PCCA: variants seen among roughly 807,000 people sequenced by gnomAD.
The protein encoded by PCCA is propionyl-CoA carboxylase subunit alpha.
In PCCA, 74 loss-of-function variants were observed where a neutral mutation model predicts 101.3. The ratio of observed to expected loss-of-function variants is 0.73; its 90% CI spans 0.61 to 0.89. The LOEUF is 0.89. Ranked by LOEUF, PCCA falls within the 40% of genes least tolerant of loss-of-function variation. The pLI is 0.00. For synonymous variants in PCCA, 294 were observed against 313.6 expected, an observed-to-expected ratio of 0.94 and a Z score of 0.66; for missense variants, 891 against 907.0, an observed-to-expected ratio of 0.98 and a Z score of 0.23.
chr13:100,186,739 A>AAAAAAAAAAAC (rs1045311521), intron 6 of PCCA, among the ~76,000 whole-genome samples: 4 of 126,802 alleles, frequency 3.2e-5, no homozygotes, highest in Admixed American at 8.1e-5. Context: ...ATTCCATCTC[A>AAAAAAAAAAAC]AAAAAAAAAC....
intron 18 of PCCA, among the ~76,000 whole-genome samples, chr13:100,361,611 G>A (rs1010538529): frequency 6.6e-6 from 1 of 151,970 alleles, no homozygotes. Context: ...TAATAAAAAT[G>A]GGCAAAAACT....
chr13:100,471,432 G>C (rs1015217033), intron 21 of PCCA, among the ~76,000 whole-genome samples: 1 of 152,188 alleles, frequency 6.6e-6, no homozygotes, highest in Non-Finnish European at 1.5e-5. Flanking sequence ...TGTGAAGTAA[G>C]CACATGCTGT....
At chr13:100,228,778 T>C (rs1466811345) in intron 7 of PCCA, among the ~76,000 whole-genome samples, 1 of 151,420 alleles carries the variant, frequency 6.6e-6, no homozygotes, top group Non-Finnish European at 1.5e-5. Flanking sequence ...TGTGTGCCTA[T>C]AATCCCAGCT....
chr13:100,407,937 G>A (rs1006422584), intron 19 of PCCA, among the ~76,000 whole-genome samples: 10 of 152,038 alleles, frequency 6.6e-5, no homozygotes, highest in African/African-American at 2.4e-4. Flanking sequence ...GATTACCTGA[G>A]GTCAGGAGGT....
At chr13:100,515,322 C>T (rs769160069) in intron 21 of PCCA, 105 bp from the exon 22 acceptor site, 218 of 971,178 alleles carry the variant, frequency 2.2e-4, no homozygotes, top group Non-Finnish European at 3.4e-4. Flanking sequence ...AAGGCTCTTA[C>T]TGTAATTTGA....
chr13:100,260,986 ATAG>A (rs556189823), intron 9 of PCCA, among the ~76,000 whole-genome samples: 114 of 152,162 alleles, frequency 7.5e-4, no homozygotes, highest in Middle Eastern at 3.4e-3. Flanking sequence ...AGCAAATCAG[ATAG>A]TTGTTTTTTA....
In PCCA at chr13:100,310,914, A is replaced by G. The variant is rs572965725; in HGVS notation, c.1429+1006A>G. Among the ~76,000 whole-genome samples the G allele has an allele frequency of 1.6e-4, 24 of 152,300 alleles. No homozygotes were observed. The Middle Eastern group carries it at 0.01, about 65-fold the overall frequency. ...AGAAACCAGACAAAGCTAGGTTCAT[A>G]GCCCCTGTCCTGACGCCATTTAATA... is the stretch of plus-strand genomic sequence containing the variant. On this transcript the variant is annotated intron_variant, in intron 16 of 23. Transcript: ENST00000376285.
intron 11 of PCCA, among the ~76,000 whole-genome samples, chr13:100,269,103 C>G (rs978377850): frequency 2.0e-5 from 3 of 152,218 alleles, no homozygotes; most frequent in African/African-American, 7.2e-5. Flanking sequence ...CCACCTCAGC[C>G]TCCCGAAGTG....
rs1422137805 is a variant in PCCA, at chr13:100,308,156, T to A, written c.1353+896T>A. On this transcript the variant is annotated intron_variant, in intron 15 of 23. Coordinates refer to ENST00000376285, the MANE Select transcript of PCCA (RefSeq NM_000282.4). The stretch of plus-strand genomic sequence containing the variant: ...GCGTGAGCCACAATGGCCGGCCAGA[T>A]TGTGGATTTTATTTTGAAAATTCTG... Among the ~76,000 whole-genome samples, 3 of 151,608 alleles carry A rather than the reference T, an allele frequency of 2.0e-5. No individual in the cohort carries two copies. In the East Asian group the frequency reaches 5.9e-4, roughly 30 times the overall value.
At chr13:100,351,487 T>C (rs2073260616) in intron 18 of PCCA, among the ~76,000 whole-genome samples, 2 of 152,198 alleles carry the variant, frequency 1.3e-5, no homozygotes, top group African/African-American at 4.8e-5. Context: ...AGTATAATGC[T>C]TTTTTCTCTG....
rs1220555105 is a variant in PCCA, at chr13:100,491,656, A to G, written c.1900-23771A>G. On this transcript the variant is annotated intron_variant, in intron 21 of 23. Coordinates refer to ENST00000376285, the MANE Select transcript of PCCA (RefSeq NM_000282.4). ...CTTAATAACTTTTTTGTAGCCCTGG[A>G]GAAAGCTTCTGGATTGACTGTGAGA... 2.3e-6 allele frequency: 3 copies of G among 1,304,236 alleles called. 1 individual carries two copies. The South Asian group carries it at 3.7e-5, about 16-fold the overall frequency. 80.8% of individuals were successfully genotyped at this position (1,304,236 alleles called of 1,614,324 possible).
intron 6 of PCCA, among the ~76,000 whole-genome samples, chr13:100,187,345 A>G (rs1419317539): frequency 6.6e-6 from 1 of 152,224 alleles, no homozygotes; most frequent in African/African-American, 2.4e-5. Flanking sequence ...GGAAGAAGAA[A>G]TTCTTGGTAA....
In PCCA at chr13:100,102,872, T is replaced by C. The variant is rs747197788; in HGVS notation, c.106-11T>C. 79 of 1,597,132 alleles carry C rather than the reference T, an allele frequency of 4.9e-5. No individual in the cohort carries two copies. Among genetic ancestry groups the C allele is most frequent in the Non-Finnish European group, 6.7e-5 (78 of 1,164,926 alleles). On this transcript the variant is annotated splice_polypyrimidine_tract_variant and intron_variant, in intron 1 of 23. Coordinates refer to ENST00000376285, the MANE Select transcript of PCCA (RefSeq NM_000282.4). ...GTATTTGCAATTTATTTTGCTTTCCTTTTTTTGTAGCATGTTCTGTACTAT... is the reference window on the plus strand; with the variant it reads ...GTATTTGCAATTTATTTTGCTTTCCCTTTTTTGTAGCATGTTCTGTACTAT...
chr13:100,276,213 C>CAAAAAA lies in PCCA; in HGVS notation c.1065+2893_1065+2898dup, dbSNP rs59671834. On this transcript the variant is annotated intron_variant, in intron 12 of 23. Transcript: ENST00000376285. ...TAACATAGTGAGAACTTGTCTGTAC[C>CAAAAAA]AAAAAAAAAAAAAAAAAAAAAAAAA... is the stretch of plus-strand genomic sequence containing the variant. 4.0e-3 allele frequency among the ~76,000 whole-genome samples: 403 copies of CAAAAAA among 101,978 alleles called. 13 individuals are homozygous for CAAAAAA. Among genetic ancestry groups the CAAAAAA allele is most frequent in the East Asian group, 0.019 (75 of 4,034 alleles). 66.9% of individuals were successfully genotyped at this position (101,978 alleles called of 152,430 possible). A position where few individuals can be genotyped will look rare whatever the true frequency, so the allele number is the denominator to read the frequency against.
intron 8 of PCCA, among the ~76,000 whole-genome samples, chr13:100,249,009 C>T (rs1180382785): frequency 6.6e-6 from 1 of 152,150 alleles, no homozygotes; most frequent in Non-Finnish European, 1.5e-5. Flanking sequence ...CCACCTCGGC[C>T]TCCCAAAGTG....
At chr13:100,388,871 T>C (rs1013443470) in intron 19 of PCCA, among the ~76,000 whole-genome samples, 1 of 152,222 alleles carries the variant, frequency 6.6e-6, no homozygotes, top group African/African-American at 2.4e-5. Flanking sequence ...TGTTTATAAA[T>C]AGAATGAACA....
chr13:100,214,390 G>A (rs557272820), intron 7 of PCCA, among the ~76,000 whole-genome samples: 15 of 151,054 alleles, frequency 9.9e-5, no homozygotes, highest in Admixed American at 6.6e-4. Flanking sequence ...TCAATTTCTC[G>A]CATCAACGTT....
In PCCA at chr13:100,515,632, G is replaced by C; in HGVS notation, c.2040+65G>C. ...TCCAACTTCCCCTTCCAAAGCGACG[G>C]CTAACGGCACAGCACGATTCGGCTC... On this transcript the variant is annotated intron_variant, in intron 22 of 23. Coordinates refer to ENST00000376285, the MANE Select transcript of PCCA (RefSeq NM_000282.4). 5 of 1,580,610 alleles carry C rather than the reference G, an allele frequency of 3.2e-6. No homozygotes were observed. In the South Asian group the frequency reaches 5.5e-5, roughly 17 times the overall value.
chr13:100,382,048 G>A (rs1234164943), intron 19 of PCCA, among the ~76,000 whole-genome samples: 5 of 152,240 alleles, frequency 3.3e-5, no homozygotes, highest in Non-Finnish European at 5.9e-5. Context: ...CAGTTGGCCT[G>A]CTGCTGCCCT....
Sources: gnomAD v4.1 joint callset for allele counts (sites outside exome capture counted in the v4.1 genomes callset) on GRCh38, gnomAD v4.1.1 for gene constraint, MANE v1.5 for transcripts, NCBI Gene and HGNC (gene_info 2026-07-23, HGNC 2026-07-21) for gene names.